The following ERP44 variants were observed in gnomAD, a reference collection of about 807,000 sequenced individuals.
The protein encoded by ERP44 is endoplasmic reticulum resident protein 44.
Under a neutral mutation model 53.4 loss-of-function variants are expected in ERP44, and 25 were observed. The observed-to-expected ratio is 0.47, with a 90% confidence interval of 0.34 to 0.65. The LOEUF (loss-of-function observed/expected upper bound fraction) is 0.65. ERP44 is among the 30% of genes least tolerant of loss of function. The pLI, the probability that ERP44 is intolerant of heterozygous loss-of-function variation, is 0.01. For missense variants in ERP44, 338 were observed against 493.2 expected, an observed-to-expected ratio of 0.69 and a Z score of 2.98; for synonymous variants, 145 against 161.2, an observed-to-expected ratio of 0.90 and a Z score of 0.76.
At chr9:100,058,152 T>C (rs995307648) in intron 2 of ERP44, among the ~76,000 whole-genome samples, 3 of 152,152 alleles carry the variant, frequency 2.0e-5, no homozygotes, top group Non-Finnish European at 4.4e-5. Flanking sequence ...CAAAACCCAG[T>C]GCAGCCTCAA....
chr9:99,985,459 A>G (rs569911557), intron 10 of ERP44, among the ~76,000 whole-genome samples: 8 of 152,380 alleles, frequency 5.3e-5, no homozygotes, highest in African/African-American at 1.7e-4. Context: ...CAAGGGAAAA[A>G]TAGTTAGGGG....
intron 1 of ERP44, among the ~76,000 whole-genome samples, chr9:100,083,322 T>C (rs1179303114): frequency 6.6e-6 from 1 of 152,062 alleles, no homozygotes; most frequent in East Asian, 1.9e-4. Context: ...TATGCCACTA[T>C]GAAAATAAAA....
At chr9:100,041,283 G>A (rs879888958) in intron 4 of ERP44, among the ~76,000 whole-genome samples, 1 of 138,996 alleles carries the variant, frequency 7.2e-6, no homozygotes, top group Non-Finnish European at 1.5e-5. Context: ...TGGCACAAAA[G>A]TAATTGCGGT....
At chr9:100,041,662 G>A (rs1010831361) in intron 4 of ERP44, among the ~76,000 whole-genome samples, 4 of 152,054 alleles carry the variant, frequency 2.6e-5, no homozygotes, top group East Asian at 1.9e-4. Context: ...GCAAGATTCC[G>A]ACTCAAAACA....
chr9:100,066,992 C>T (rs887461618), intron 1 of ERP44, among the ~76,000 whole-genome samples: 22 of 152,114 alleles, frequency 1.4e-4, no homozygotes, highest in African/African-American at 5.3e-4. Flanking sequence ...CCACTTTAAC[C>T]CTTAAATTGT....
chr9:99,988,184 G>A (rs1437215809), intron 10 of ERP44, among the ~76,000 whole-genome samples: 1 of 152,144 alleles, frequency 6.6e-6, no homozygotes, highest in Non-Finnish European at 1.5e-5. Flanking sequence ...ATGATGTTGA[G>A]CACCCTTCAC....
intron 8 of ERP44, among the ~76,000 whole-genome samples, chr9:100,013,014 A>C (rs976449717): frequency 1.3e-5 from 2 of 152,060 alleles, no homozygotes; most frequent in African/African-American, 4.8e-5. Flanking sequence ...TCTCAAGACA[A>C]AGAGGGGGCA....
intron 10 of ERP44, among the ~76,000 whole-genome samples, chr9:99,990,275 T>C (rs938794626): frequency 6.6e-6 from 1 of 152,194 alleles, no homozygotes; most frequent in Admixed American, 6.5e-5. Context: ...AAAGGTCAGG[T>C]TACCCACAAA....
chr9:100,098,970 T>C lies in ERP44; in HGVS notation c.-130A>G. Reference sequence around the variant, plus strand: ...GGATTCTCCAGGCAGCGGCACCTCGTCCTCTCGACCCGGGCTCCAGCGGCG... The same window carrying C: ...GGATTCTCCAGGCAGCGGCACCTCGCCCTCTCGACCCGGGCTCCAGCGGCG... On this transcript the variant is annotated 5_prime_UTR_variant, in exon 1 of 12. Transcript: ENST00000262455. 5.7e-6 allele frequency: 4 copies of C among 697,458 alleles called. No homozygotes were observed. In the South Asian group the frequency reaches 6.8e-5, roughly 12 times the overall value. 43.2% of individuals were successfully genotyped at this position (697,458 alleles called of 1,614,324 possible).
intron 4 of ERP44, 106 bp downstream of exon 4, chr9:100,052,311 A>AC: frequency 1.9e-6 from 1 of 528,790 alleles, no homozygotes; most frequent in Non-Finnish European, 3.2e-6. Flanking sequence ...TTTAAAAAAA[A>AC]AAAGAAAAGG....
chr9:100,068,911 T>C (rs1826268027), intron 1 of ERP44, among the ~76,000 whole-genome samples: 1 of 152,220 alleles, frequency 6.6e-6, no homozygotes, highest in South Asian at 2.1e-4. Flanking sequence ...TAGAAAGAAG[T>C]AGACATGGGA....
chr9:100,065,681 A>G (rs1291087320), intron 1 of ERP44, among the ~76,000 whole-genome samples: 4 of 152,208 alleles, frequency 2.6e-5, no homozygotes, highest in Admixed American at 2.6e-4. Context: ...AAGAAGAGTT[A>G]TATTACATTA....
intron 8 of ERP44, among the ~76,000 whole-genome samples, chr9:100,015,304 C>T (rs1209614448): frequency 2.0e-5 from 3 of 152,096 alleles, no homozygotes; most frequent in Admixed American, 6.5e-5. Flanking sequence ...AAAAACTGTA[C>T]CTAATACAAA....
chr9:99,985,989 A>G (rs551133793), intron 10 of ERP44, among the ~76,000 whole-genome samples: 1 of 152,332 alleles, frequency 6.6e-6, no homozygotes, highest in South Asian at 2.1e-4. Context: ...TTCACTTTCT[A>G]TGGACACTAT....
chr9:100,002,223 A>C (rs193051551), intron 10 of ERP44, among the ~76,000 whole-genome samples: 12 of 151,596 alleles, frequency 7.9e-5, no homozygotes, highest in African/African-American at 2.7e-4. Flanking sequence ...GTATCCCTAA[A>C]ATTATTGTAG....
At chr9:100,080,993 C>T (rs1453302674) in intron 1 of ERP44, among the ~76,000 whole-genome samples, 5 of 151,130 alleles carry the variant, frequency 3.3e-5, no homozygotes, top group African/African-American at 1.2e-4. Flanking sequence ...AAACAAAAAA[C>T]CTAGATTGCA....
chr9:100,039,397 T>C (rs1366567595), intron 4 of ERP44, among the ~76,000 whole-genome samples: 1 of 152,140 alleles, frequency 6.6e-6, no homozygotes, highest in African/African-American at 2.4e-5. Context: ...TTAGAAATTA[T>C]ACAATTACAT....
chr9:100,038,680 C>A (rs1358620142), intron 4 of ERP44, among the ~76,000 whole-genome samples: 1 of 151,974 alleles, frequency 6.6e-6, no homozygotes, highest in African/African-American at 2.4e-5. Context: ...GAACTAAACT[C>A]TTCAATCAAA....
intron 3 of ERP44, among the ~76,000 whole-genome samples, chr9:100,053,792 C>T (rs1564098828): frequency 2.0e-5 from 3 of 152,266 alleles, no homozygotes; most frequent in Non-Finnish European, 4.4e-5. Flanking sequence ...GTTAGAATGG[C>T]CATTCTCTTA....
Sources: allele counts gnomAD v4.1 joint callset (sites outside exome capture counted in the v4.1 genomes callset), GRCh38; gene constraint gnomAD v4.1.1; transcripts MANE v1.5; gene names NCBI Gene and HGNC (gene_info 2026-07-23, HGNC 2026-07-21).